The following DCDC1 variants were observed in gnomAD, a reference collection of about 807,000 sequenced individuals.
DCDC1 encodes the protein doublecortin domain-containing protein 1.
A neutral mutation model predicts 178.3 loss-of-function variants in DCDC1; 200 were observed. That is an observed-to-expected ratio of 1.12 (90% CI 1.00 to 1.26). The LOEUF is 1.26. Ranked by LOEUF, DCDC1 falls within the 50% of genes most tolerant of loss-of-function variation. DCDC1 has a pLI of 0.00. For missense variants in DCDC1, 1,983 were observed against 1,749.2 expected (o/e 1.13, Z -2.38); for synonymous variants, 690 against 604.8 (o/e 1.14, Z -2.07).
intron 20 of DCDC1, among the ~76,000 whole-genome samples, chr11:31,028,249 G>T (rs1953376613): frequency 1.3e-5 from 2 of 151,706 alleles, no homozygotes; most frequent in Admixed American, 6.6e-5. Context: ...AAAACCATGA[G>T]ATTGTTTTTG....
intron 15 of DCDC1, among the ~76,000 whole-genome samples, chr11:31,096,421 T>C (rs1422091574): frequency 6.6e-6 from 1 of 152,216 alleles, no homozygotes; most frequent in African/African-American, 2.4e-5. Context: ...TTGTTTTGAC[T>C]GAAATTAGTC....
At chr11:31,187,355 A>T (rs1232337895) in intron 9 of DCDC1, among the ~76,000 whole-genome samples, 1 of 152,212 alleles carries the variant, frequency 6.6e-6, no homozygotes, top group Non-Finnish European at 1.5e-5. Context: ...CATAATACCT[A>T]GCATACAGCT....
chr11:30,984,741 A>G (rs565192975), intron 20 of DCDC1, among the ~76,000 whole-genome samples: 65 of 152,342 alleles, frequency 4.3e-4, no homozygotes, highest in African/African-American at 1.4e-3. Context: ...TTGAAAGTCC[A>G]GGATAGTTGC....
At chr11:30,896,405 T>C (rs1025576537) in intron 34 of DCDC1, among the ~76,000 whole-genome samples, 1 of 152,162 alleles carries the variant, frequency 6.6e-6, no homozygotes, top group African/African-American at 2.4e-5. Context: ...TGGGGATTCT[T>C]GGCCCATTGT....
chr11:30,891,240 A>G (rs563279644), intron 36 of DCDC1, among the ~76,000 whole-genome samples: 3 of 152,202 alleles, frequency 2.0e-5, no homozygotes, highest in African/African-American at 7.2e-5. Context: ...ATTTCCACAG[A>G]CATAAATTAG....
intron 9 of DCDC1, among the ~76,000 whole-genome samples, chr11:31,210,659 C>T (rs1251487854): frequency 6.9e-5 from 10 of 144,762 alleles, no homozygotes; most frequent in Non-Finnish European, 1.5e-4. Context: ...TGCAATGAGC[C>T]AAGATCACGC....
intron 20 of DCDC1, among the ~76,000 whole-genome samples, chr11:30,999,725 T>C (rs1377272941): frequency 6.6e-6 from 1 of 151,560 alleles, no homozygotes; most frequent in Non-Finnish European, 1.5e-5. Flanking sequence ...TTAAAAAGGG[T>C]GGGGGGAGTG....
intron 20 of DCDC1, among the ~76,000 whole-genome samples, chr11:31,022,130 C>T (rs1952912407): frequency 6.6e-6 from 1 of 152,132 alleles, no homozygotes; most frequent in Non-Finnish European, 1.5e-5. Flanking sequence ...TTTAAAACAA[C>T]AGAAATTAAA....
At chr11:31,049,067 A>G (rs1437191392) in intron 20 of DCDC1, among the ~76,000 whole-genome samples, 1 of 152,246 alleles carries the variant, frequency 6.6e-6, no homozygotes, top group Non-Finnish European at 1.5e-5. Context: ...GACACGGCCT[A>G]TGTCATAGTT....
At chr11:30,874,686 A>C (rs1941955116) in intron 38 of DCDC1, among the ~76,000 whole-genome samples, 2 of 152,158 alleles carry the variant, frequency 1.3e-5, no homozygotes, top group Non-Finnish European at 2.9e-5. Context: ...ATTTCCTTTA[A>C]AACACAGCTT....
intron 20 of DCDC1, among the ~76,000 whole-genome samples, chr11:31,034,916 A>G (rs575844901): frequency 1.5e-3 from 236 of 152,344 alleles, no homozygotes; most frequent in African/African-American, 5.6e-3. Flanking sequence ...TAACTGACTC[A>G]GCACACCTTG....
intron 20 of DCDC1, among the ~76,000 whole-genome samples, chr11:31,012,038 T>G (rs1248180656): frequency 6.6e-6 from 1 of 152,104 alleles, no homozygotes; most frequent in Non-Finnish European, 1.5e-5. Context: ...TGTTTAAAAG[T>G]GTGTAGCACC....
intron 20 of DCDC1, among the ~76,000 whole-genome samples, chr11:31,049,101 T>G (rs1275696577): frequency 6.6e-6 from 1 of 152,212 alleles, no homozygotes; most frequent in Non-Finnish European, 1.5e-5. Context: ...ATTCCAGTTT[T>G]AAAACAATAA....
chr11:30,878,655 C>T lies in DCDC1; in HGVS notation c.5290G>A (p.Gly1764Ser). Residue 1764 changes from glycine (G) to serine (S), a missense_variant, in exon 38 of 39, where the codon GGC becomes AGC. By Grantham distance (56) the Gly-to-Ser change is moderately conservative. Transcript: ENST00000684477. ...ANYARIRRQQ[G>S]PQATDIVVSP... ...ACCACAATGTCTGTGGCTTGAGGGC[C>T]CTGCTGCCTTCGGATTCTGGCATAA... The T allele has an allele frequency of 1.2e-6, 2 of 1,610,776 alleles. No homozygotes were observed. Among genetic ancestry groups the T allele is most frequent in the East Asian group, 2.2e-5 (1 of 44,604 alleles).
chr11:31,006,469 G>A (rs1262582099), intron 20 of DCDC1, among the ~76,000 whole-genome samples: 1 of 152,124 alleles, frequency 6.6e-6, no homozygotes, highest in Non-Finnish European at 1.5e-5. Context: ...CTCATGGTCT[G>A]CAACAATCTA....
intron 20 of DCDC1, among the ~76,000 whole-genome samples, chr11:31,040,587 T>G (rs1460226615): frequency 6.6e-6 from 1 of 152,180 alleles, no homozygotes; most frequent in Non-Finnish European, 1.5e-5. Context: ...CATAAAAGGT[T>G]CAAATATTTT....
At position 31,010,765 on chromosome 11, in the gene DCDC1, T is replaced by G. The variant is rs555348768; in HGVS notation, c.2591+53704A>C. 3.3e-5 allele frequency among the ~76,000 whole-genome samples: 5 copies of G among 152,332 alleles called. No individual in the cohort carries two copies. In the East Asian group the frequency reaches 9.6e-4, roughly 29 times the overall value. On this transcript the variant is annotated intron_variant, in intron 20 of 38. Transcript: ENST00000684477. ...ACTGTAAATGTATTCCATTTTTAAG[T>G]TTTAAATAATTTTTGTCTTGATAAA...
intron 20 of DCDC1, among the ~76,000 whole-genome samples, chr11:30,997,058 C>G (rs1405748380): frequency 6.6e-6 from 1 of 151,990 alleles, no homozygotes; most frequent in Non-Finnish European, 1.5e-5. Context: ...AATGCATTAG[C>G]TATTTGAGAA....
At chr11:31,024,515 G>GT (rs1327989423) in intron 20 of DCDC1, among the ~76,000 whole-genome samples, 1 of 151,790 alleles carries the variant, frequency 6.6e-6, no homozygotes, top group Non-Finnish European at 1.5e-5. Flanking sequence ...TCTTATGTGT[G>GT]TTTTTCCCAT....
Sources: gnomAD v4.1 joint callset for allele counts (sites outside exome capture counted in the v4.1 genomes callset) on GRCh38, gnomAD v4.1.1 for gene constraint, MANE v1.5 for transcripts, NCBI Gene and HGNC (gene_info 2026-07-23, HGNC 2026-07-21) for gene names.